VPS41: variants seen among roughly 807,000 people sequenced by gnomAD.
The protein encoded by VPS41 is vacuolar protein sorting-associated protein 41 homolog.
Under a neutral mutation model 130.9 loss-of-function variants are expected in VPS41, and 85 were observed. That is an observed-to-expected ratio of 0.65 (90% confidence interval 0.55 to 0.78). The LOEUF (loss-of-function observed/expected upper bound fraction) is 0.78, where lower values mean the gene tolerates loss of function less well. Ranked by LOEUF, VPS41 falls within the 30% of genes least tolerant of loss-of-function variation. The pLI is 0.00. For synonymous variants in VPS41, 335 were observed against 332.9 expected (o/e 1.01, Z -0.07); for missense variants, 874 against 1,018.7 (o/e 0.86, Z 1.93).
chr7:38,880,413 A>C (rs1250455678), intron 2 of VPS41, among the ~76,000 whole-genome samples: 1 of 152,236 alleles, frequency 6.6e-6, no homozygotes, highest in Admixed American at 6.5e-5. Context: ...TTAGGAATGT[A>C]AAAGGAAATG....
chr7:38,819,794 TAG>T (rs756323607), intron 6 of VPS41, among the ~76,000 whole-genome samples: 1 of 152,202 alleles, frequency 6.6e-6, no homozygotes, highest in South Asian at 2.1e-4. Context: ...GTATTCAAGT[TAG>T]AGTGTTCCAG....
intron 19 of VPS41, among the ~76,000 whole-genome samples, chr7:38,755,978 T>C (rs1783782510): frequency 2.6e-5 from 4 of 152,152 alleles, no homozygotes. Flanking sequence ...CTAAAGCATC[T>C]TTGAGAAAAA....
intron 21 of VPS41, among the ~76,000 whole-genome samples, chr7:38,753,647 C>T (rs926496394): frequency 6.6e-6 from 1 of 152,116 alleles, no homozygotes; most frequent in Non-Finnish European, 1.5e-5. Context: ...ATTACATTGT[C>T]GCACAGAGAG....
intron 25 of VPS41, among the ~76,000 whole-genome samples, chr7:38,738,827 C>A (rs945981616): frequency 2.0e-5 from 3 of 152,164 alleles, no homozygotes; most frequent in African/African-American, 7.2e-5. Context: ...GGTATAAAAA[C>A]ATAGAAAGTT....
At chr7:38,834,193 G>A (rs796580622) in intron 4 of VPS41, among the ~76,000 whole-genome samples, 17 of 151,878 alleles carry the variant, frequency 1.1e-4, no homozygotes, top group African/African-American at 3.6e-4. Flanking sequence ...GGAAAATATT[G>A]CACTTAATGG....
At chr7:38,736,512 G>A (rs1046759791) in intron 25 of VPS41, among the ~76,000 whole-genome samples, 15 of 152,198 alleles carry the variant, frequency 9.9e-5, no homozygotes, top group African/African-American at 3.1e-4. Context: ...CATGTCCACC[G>A]CTCTTTAAAA....
chr7:38,742,887 C>G (rs764034097), intron 24 of VPS41, among the ~76,000 whole-genome samples: 1 of 151,738 alleles, frequency 6.6e-6, no homozygotes, highest in Non-Finnish European at 1.5e-5. Context: ...CCAATGCAAA[C>G]AGTCAAGCTG....
At chr7:38,897,066 C>T (rs1196790119) in intron 2 of VPS41, among the ~76,000 whole-genome samples, 9 of 151,556 alleles carry the variant, frequency 5.9e-5, no homozygotes, top group African/African-American at 1.9e-4. Context: ...TGGTGGTGGG[C>T]GCCTGTAATC....
At chr7:38,740,696 A>G (rs1795863413) in intron 25 of VPS41, among the ~76,000 whole-genome samples, 1 of 152,050 alleles carries the variant, frequency 6.6e-6, no homozygotes, top group Non-Finnish European at 1.5e-5. Context: ...AGGCTGCATG[A>G]TCTCTCACAC....
In VPS41 at chr7:38,726,473, C is replaced by T. The variant is rs1193239055; in HGVS notation, c.2485-147G>A. The T allele has an allele frequency of 9.1e-6, 6 of 657,346 alleles. No homozygotes were observed. The South Asian group carries it at 1.2e-4, about 13-fold the overall frequency. 40.7% of individuals were successfully genotyped at this position (657,346 alleles called of 1,614,324 possible). On this transcript the variant is annotated intron_variant, in intron 28 of 28. Coordinates refer to ENST00000310301, the MANE Select transcript of VPS41 (RefSeq NM_014396.4). The stretch of plus-strand genomic sequence containing the variant: ...TTCTCTGGAGTTTATTTCTGGTTAA[C>T]ATAGGATTTAGTCTAGATCAGCTGT...
intron 4 of VPS41, among the ~76,000 whole-genome samples, chr7:38,861,737 T>G (rs141125788): frequency 6.6e-6 from 1 of 152,208 alleles, no homozygotes; most frequent in East Asian, 1.9e-4. Flanking sequence ...ACCTTTTTCA[T>G]ACCAAGTGGT....
At chr7:38,726,457 G>T in intron 28 of VPS41, 131 bp from the exon 29 acceptor site, 1 of 680,502 alleles carries the variant, frequency 1.5e-6, no homozygotes, top group Non-Finnish European at 2.5e-6. Flanking sequence ...TTTCTCTGGA[G>T]TTTATTTCTG....
In VPS41 at chr7:38,754,689, C is replaced by G; in HGVS notation, c.1788+13G>C. On this transcript the variant is annotated intron_variant, in intron 21 of 28. Coordinates refer to ENST00000310301, the MANE Select transcript of VPS41 (RefSeq NM_014396.4). ...CAATCAAAAGGGCAAAAGGAGGAGA[C>G]TGCCATGCTCACCACATGCTGTAGC... 5 of 1,611,960 alleles carry G rather than the reference C, an allele frequency of 3.1e-6. No homozygotes were observed. Among genetic ancestry groups the G allele is most frequent in the Non-Finnish European group, 4.2e-6 (5 of 1,178,324 alleles).
intron 7 of VPS41, among the ~76,000 whole-genome samples, chr7:38,809,175 C>G (rs1784891572): frequency 6.6e-6 from 1 of 151,754 alleles, no homozygotes; most frequent in Non-Finnish European, 1.5e-5. Context: ...ATCAAATCAT[C>G]ATTGTATAAC....
Position 38,742,665 on chromosome 7 carries a change from G to C in VPS41, c.2123-544C>G, listed in dbSNP as rs1376503318. On this transcript the variant is annotated intron_variant, in intron 24 of 28. Coordinates refer to ENST00000310301, the MANE Select transcript of VPS41 (RefSeq NM_014396.4). ...CTTAAACTACTACTTTATCTTGCTA[G>C]TTACAAGTGAGATTCTTTATATTGT... Among the ~76,000 whole-genome samples the C allele has an allele frequency of 2.0e-5, 3 of 151,162 alleles. No individual in the cohort carries two copies. The East Asian group carries it at 5.8e-4, about 29-fold the overall frequency.
chr7:38,742,346 TAAG>T (rs1795898495), intron 24 of VPS41, among the ~76,000 whole-genome samples: 1 of 152,130 alleles, frequency 6.6e-6, no homozygotes, highest in African/African-American at 2.4e-5. Flanking sequence ...AGAAAGTAAA[TAAG>T]AACTGTTTTA....
intron 7 of VPS41, among the ~76,000 whole-genome samples, chr7:38,799,954 G>A (rs1415267393): frequency 1.3e-5 from 2 of 151,992 alleles, no homozygotes; most frequent in Non-Finnish European, 2.9e-5. Context: ...CAGAGAAAGA[G>A]GTATCTTCAA....
intron 2 of VPS41, among the ~76,000 whole-genome samples, chr7:38,875,816 ATGT>A (rs1786480590): frequency 6.6e-6 from 1 of 152,222 alleles, no homozygotes; most frequent in South Asian, 2.1e-4. Flanking sequence ...AATGCAAAAA[ATGT>A]TGTTAAATTT....
chr7:38,835,566 T>A (rs1163402084), intron 4 of VPS41, among the ~76,000 whole-genome samples: 1 of 151,996 alleles, frequency 6.6e-6, no homozygotes, highest in Admixed American at 6.5e-5. Context: ...GAATGTGGTT[T>A]GTATAATATC....
Sources: allele counts gnomAD v4.1 joint callset (sites outside exome capture counted in the v4.1 genomes callset), GRCh38; gene constraint gnomAD v4.1.1; transcripts MANE v1.5; gene names NCBI Gene and HGNC (gene_info 2026-07-23, HGNC 2026-07-21).